GPHN: variants seen among roughly 807,000 people sequenced by gnomAD.
GPHN encodes the protein gephyrin.
A neutral mutation model predicts 95.5 loss-of-function variants in GPHN; 17 were observed. The ratio of observed to expected loss-of-function variants is 0.18; its 90% CI spans 0.12 to 0.27. GPHN has a LOEUF of 0.27. Ranked by LOEUF, GPHN falls within the 10% of genes least tolerant of loss-of-function variation. The pLI, the probability that GPHN is intolerant of heterozygous loss-of-function variation, is 1.00. For synonymous variants in GPHN, 320 were observed against 322.5 expected, an observed-to-expected ratio of 0.99 and a Z score of 0.08; for missense variants, 660 against 978.1, an observed-to-expected ratio of 0.67 and a Z score of 4.34.
intron 1 of GPHN, among the ~76,000 whole-genome samples, chr14:66,642,122 C>A (rs1204977374): frequency 6.6e-6 from 1 of 152,060 alleles, no homozygotes; most frequent in Admixed American, 6.6e-5. Flanking sequence ...TCAAAGATAT[C>A]CAGCCCTAAT....
chr14:67,708,478 GACA>G, the GPHN span, among the ~76,000 whole-genome samples: 1 of 152,070 alleles, frequency 6.6e-6, no homozygotes, highest in South Asian at 2.1e-4. Context: ...ACCAAAACAA[GACA>G]ACAATTGTCT....
At chr14:66,671,435 C>T (rs1356270173) in intron 1 of GPHN, among the ~76,000 whole-genome samples, 10 of 152,124 alleles carry the variant, frequency 6.6e-5, no homozygotes, top group Admixed American at 5.2e-4. Flanking sequence ...GCTTCTTTAA[C>T]TTTTGTCAGA....
At chr14:67,369,395 G>A in the GPHN span, among the ~76,000 whole-genome samples, 1 of 152,168 alleles carries the variant, frequency 6.6e-6, no homozygotes, top group Non-Finnish European at 1.5e-5. Context: ...GAGAGAAATA[G>A]ACAAATCTAT....
chr14:66,866,003 G>T (rs1453756560), intron 4 of GPHN, among the ~76,000 whole-genome samples: 1 of 152,020 alleles, frequency 6.6e-6, no homozygotes, highest in East Asian at 1.9e-4. Context: ...GTGTTAGTGG[G>T]GGTAGTCATT....
the GPHN span, chr14:67,320,235 G>A: frequency 6.2e-7 from 1 of 1,604,568 alleles, no homozygotes. Context: ...CAAAGATTAT[G>A]ACAACGAGGA....
At chr14:67,320,185 A>G in the GPHN span, 18 of 1,574,304 alleles carry the variant, frequency 1.1e-5, no homozygotes, top group Admixed American at 5.6e-5. Context: ...TCTTTAATAC[A>G]TGGCCATAAT....
At chr14:67,594,162 GA>G in the GPHN span, among the ~76,000 whole-genome samples, 1 of 152,208 alleles carries the variant, frequency 6.6e-6, no homozygotes, top group Non-Finnish European at 1.5e-5. Flanking sequence ...AGCAATCTCA[GA>G]AATTTTTCTT....
the GPHN span, among the ~76,000 whole-genome samples, chr14:67,300,096 T>C: frequency 6.6e-6 from 1 of 152,148 alleles, no homozygotes; most frequent in East Asian, 1.9e-4. Context: ...GAAGATAATA[T>C]TTGCTGTGCC....
the GPHN span, among the ~76,000 whole-genome samples, chr14:67,341,887 C>T: frequency 6.6e-6 from 1 of 152,064 alleles, no homozygotes; most frequent in Admixed American, 6.6e-5. Flanking sequence ...GACCTTACCC[C>T]CAACCCTGTG....
chr14:67,637,505 T>TAA, the GPHN span, among the ~76,000 whole-genome samples: 1 of 150,400 alleles, frequency 6.6e-6, no homozygotes, highest in Non-Finnish European at 1.5e-5. Flanking sequence ...TCACTCCTCT[T>TAA]AAAAAAAAAC....
the GPHN span, among the ~76,000 whole-genome samples, chr14:67,216,667 A>G: frequency 6.6e-6 from 1 of 152,080 alleles, no homozygotes; most frequent in Non-Finnish European, 1.5e-5. Flanking sequence ...CCCATTGGTC[A>G]TTTAGGAGCA....
chr14:66,517,215 C>T (rs373828543), intron 1 of GPHN, among the ~76,000 whole-genome samples: 191 of 150,746 alleles, frequency 1.3e-3, no homozygotes, highest in African/African-American at 4.2e-3. Flanking sequence ...AACATTTACA[C>T]GGTGGTGCCC....
chr14:67,158,043 A>C (rs879317274), intron 18 of GPHN, among the ~76,000 whole-genome samples: 3 of 151,978 alleles, frequency 2.0e-5, no homozygotes, highest in Non-Finnish European at 2.9e-5. Flanking sequence ...GCAGTGGTTC[A>C]CGCCTGTAAT....
the GPHN span, among the ~76,000 whole-genome samples, chr14:67,687,494 G>T: frequency 7.3e-6 from 1 of 136,392 alleles, no homozygotes. Context: ...TTTTGAGATG[G>T]AGTTTCACTC....
At chr14:66,700,847 C>T (rs541564737) in intron 2 of GPHN, among the ~76,000 whole-genome samples, 29 of 152,058 alleles carry the variant, frequency 1.9e-4, no homozygotes, top group African/African-American at 6.3e-4. Flanking sequence ...CGCTTGAATC[C>T]GGAGACAGGG....
chr14:67,318,989 C>T, the GPHN span, among the ~76,000 whole-genome samples: 1 of 150,870 alleles, frequency 6.6e-6, no homozygotes, highest in Non-Finnish European at 1.5e-5. Context: ...ACCCGGGAGG[C>T]GGAGCTTGCA....
intron 1 of GPHN, among the ~76,000 whole-genome samples, chr14:66,524,241 TA>T (rs1403480968): frequency 6.6e-6 from 1 of 152,104 alleles, no homozygotes; most frequent in Non-Finnish European, 1.5e-5. Flanking sequence ...TGCAGGGTGG[TA>T]AAGTGATAGT....
chr14:67,388,351 G>T, the GPHN span: 1 of 1,146,746 alleles, frequency 8.7e-7, no homozygotes, highest in East Asian at 2.4e-5. Context: ...GAACAAAAGG[G>T]AAGAGTTGCA....
At chr14:66,881,741 C>T (rs941869376) in intron 5 of GPHN, among the ~76,000 whole-genome samples, 3 of 151,810 alleles carry the variant, frequency 2.0e-5, no homozygotes, top group African/African-American at 7.2e-5. Flanking sequence ...TTTGTATCCT[C>T]ATAATTACCT....
Sources: allele counts gnomAD v4.1 joint callset (sites outside exome capture counted in the v4.1 genomes callset), GRCh38; gene constraint gnomAD v4.1.1; transcripts MANE v1.5; gene names NCBI Gene and HGNC (gene_info 2026-07-23, HGNC 2026-07-21).